Variants in NYAP2 observed in about 807,000 individuals in gnomAD.
NYAP2 encodes the protein neuronal tyrosine-phosphorylated phosphoinositide-3-kinase adapter 2.
Under a neutral mutation model 50.4 loss-of-function variants are expected in NYAP2, and 23 were observed. The observed-to-expected ratio is 0.46, with a 90% CI of 0.33 to 0.65. The LOEUF is 0.65. NYAP2 is among the 30% of genes least tolerant of loss of function. The pLI is 0.02. For missense variants in NYAP2, 885 were observed against 861.0 expected (o/e 1.03, Z -0.35); for synonymous variants, 394 against 365.2 (o/e 1.08, Z -0.90).
At chr2:225,672,440 T>C in the NYAP2 span, among the ~76,000 whole-genome samples, 2 of 152,294 alleles carry the variant, frequency 1.3e-5, no homozygotes, top group Admixed American at 1.3e-4. Flanking sequence ...AATTTTTGGC[T>C]TAAGAGAATG....
At chr2:225,409,414 A>G (rs1349119144) in intron 3 of NYAP2, among the ~76,000 whole-genome samples, 1 of 152,094 alleles carries the variant, frequency 6.6e-6, no homozygotes, top group Non-Finnish European at 1.5e-5. Flanking sequence ...GGAACACACA[A>G]ACCTTTTAAT....
At chr2:225,486,600 C>G (rs924803183) in intron 3 of NYAP2, among the ~76,000 whole-genome samples, 17 of 152,170 alleles carry the variant, frequency 1.1e-4, no homozygotes, top group African/African-American at 4.1e-4. Context: ...CATAAATAAC[C>G]TCTGAAATAA....
At chr2:225,474,418 A>G in intron 3 of NYAP2, among the ~76,000 whole-genome samples, 1 of 152,136 alleles carries the variant, frequency 6.6e-6, no homozygotes, top group Non-Finnish European at 1.5e-5. Context: ...CCATTTTCAC[A>G]ATATTGATTC....
intron 3 of NYAP2, among the ~76,000 whole-genome samples, chr2:225,448,057 T>A (rs1352321363): frequency 6.6e-6 from 1 of 152,234 alleles, no homozygotes; most frequent in African/African-American, 2.4e-5. Context: ...TGTTGCCACC[T>A]GAGATGGGCC....
intron 5 of NYAP2, among the ~76,000 whole-genome samples, chr2:225,594,459 GTC>G (rs1305895136): frequency 1.3e-5 from 2 of 151,986 alleles, no homozygotes; most frequent in Non-Finnish European, 2.9e-5. Flanking sequence ...GGGGGCAGAG[GTC>G]ACAGTGAGCC....
chr2:225,423,313 A>T (rs544899240), intron 3 of NYAP2, among the ~76,000 whole-genome samples: 1 of 152,366 alleles, frequency 6.6e-6, no homozygotes, highest in East Asian at 1.9e-4. Context: ...AATGTGACTT[A>T]GAATTCTAAA....
At chr2:225,408,759 G>T in intron 2 of NYAP2, 105 bp from the exon 3 acceptor site, 1 of 601,096 alleles carries the variant, frequency 1.7e-6, no homozygotes, top group Non-Finnish European at 3.0e-6. Flanking sequence ...TTCTCCAATC[G>T]GATTTGGCCA....
At chr2:225,478,153 C>G (rs1001634601) in intron 3 of NYAP2, among the ~76,000 whole-genome samples, 2 of 152,238 alleles carry the variant, frequency 1.3e-5, no homozygotes, top group East Asian at 1.9e-4. Flanking sequence ...GCAAACTACA[C>G]TTAGTATAGA....
chr2:225,625,373 C>G (rs933008524), intron 5 of NYAP2, among the ~76,000 whole-genome samples: 2 of 151,996 alleles, frequency 1.3e-5, no homozygotes, highest in African/African-American at 4.8e-5. Context: ...TTTTTAAAAA[C>G]GCAAAACAAA....
At chr2:225,474,805 T>C (rs1232974903) in intron 3 of NYAP2, among the ~76,000 whole-genome samples, 1 of 152,230 alleles carries the variant, frequency 6.6e-6, no homozygotes. Flanking sequence ...CCTTTATTTC[T>C]TTCTCCTGCC....
intron 5 of NYAP2, among the ~76,000 whole-genome samples, chr2:225,591,651 G>A (rs1450462549): frequency 1.3e-5 from 2 of 152,124 alleles, no homozygotes; most frequent in Non-Finnish European, 2.9e-5. Flanking sequence ...AAAGATGGAA[G>A]AAACTGAGGC....
At chr2:225,411,635 T>C (rs1210422724) in intron 3 of NYAP2, among the ~76,000 whole-genome samples, 1 of 151,864 alleles carries the variant, frequency 6.6e-6, no homozygotes, top group East Asian at 1.9e-4. Context: ...GGTTGCCCCC[T>C]GGAGGCACCT....
At chr2:225,513,655 C>T (rs1274355128) in exon 4 of NYAP2, 1 of 1,513,378 alleles carries the variant, frequency 6.6e-7, no homozygotes, top group South Asian at 1.3e-5. Flanking sequence ...AGCGGGAAAA[C>T]CCCTGAGAGG....
At chr2:225,672,909 A>G in the NYAP2 span, among the ~76,000 whole-genome samples, 1 of 152,094 alleles carries the variant, frequency 6.6e-6, no homozygotes, top group African/African-American at 2.4e-5. Context: ...GGTGCCCCCA[A>G]GCAATTACAA....
At chr2:225,661,858 G>A in the NYAP2 span, among the ~76,000 whole-genome samples, 4 of 151,838 alleles carry the variant, frequency 2.6e-5, no homozygotes, top group African/African-American at 9.7e-5. Context: ...CAAGTAGTTG[G>A]GATTACAGAC....
intron 3 of NYAP2, among the ~76,000 whole-genome samples, chr2:225,411,882 G>T (rs936765806): frequency 5.9e-5 from 9 of 151,276 alleles, no homozygotes; most frequent in African/African-American, 1.7e-4. Flanking sequence ...AACTCAGTGG[G>T]ATTATGTTCA....
intron 5 of NYAP2, among the ~76,000 whole-genome samples, chr2:225,593,492 C>A (rs1236210616): frequency 6.6e-6 from 1 of 152,172 alleles, no homozygotes; most frequent in Non-Finnish European, 1.5e-5. Context: ...AAAATGTCAG[C>A]CTAATCCTTG....
chr2:225,537,975 C>A (rs76571150), intron 4 of NYAP2, among the ~76,000 whole-genome samples: 2 of 152,158 alleles, frequency 1.3e-5, no homozygotes, highest in Non-Finnish European at 2.9e-5. Flanking sequence ...GTGGGGCAAT[C>A]AAATCTTAAA....
chr2:225,661,458 T>A, the NYAP2 span, among the ~76,000 whole-genome samples: 2 of 152,218 alleles, frequency 1.3e-5, no homozygotes, highest in African/African-American at 4.8e-5. Context: ...TAGCTTTTGT[T>A]GAGAGCTTCT....
Sources: allele counts gnomAD v4.1 joint callset (sites outside exome capture counted in the v4.1 genomes callset), GRCh38; gene constraint gnomAD v4.1.1; transcripts MANE v1.5; gene names NCBI Gene and HGNC (gene_info 2026-07-23, HGNC 2026-07-21).